The following KANSL1 variants were observed in gnomAD, a reference collection of about 807,000 sequenced individuals.
The protein encoded by KANSL1 is KAT8 regulatory NSL complex subunit 1.
KANSL1 carries 22 observed loss-of-function variants against 103.6 expected under a neutral mutation model. The ratio of observed to expected loss-of-function variants is 0.21; its 90% CI spans 0.15 to 0.30. The LOEUF (loss-of-function observed/expected upper bound fraction) is 0.30. KANSL1 is among the 10% of genes least tolerant of loss of function. KANSL1 has a pLI of 1.00. For missense variants in KANSL1, 1,337 were observed against 1,399.8 expected, an observed-to-expected ratio of 0.96 and a Z score of 0.72; for synonymous variants, 600 against 527.6, an observed-to-expected ratio of 1.14 and a Z score of -1.88.
At chr17:46,058,964 T>C (rs1201780029) in intron 6 of KANSL1, among the ~76,000 whole-genome samples, 1 of 151,276 alleles carries the variant, frequency 6.6e-6, no homozygotes, top group Admixed American at 6.6e-5. Flanking sequence ...GGAGAATCGC[T>C]TGAACCTGGG....
At position 46,171,994 on chromosome 17, in the gene KANSL1, T is replaced by C; in HGVS notation, c.150A>G (p.Lys50=). 1 of 1,614,264 alleles carries C rather than the reference T, an allele frequency of 6.2e-7. No individual in the cohort carries two copies. The highest frequency in any genetic ancestry group is 8.5e-7 in the Non-Finnish European group (1 of 1,180,048). ...ANILIAANGT[K]RKAIAAEDPS... The stretch of plus-strand genomic sequence containing the variant: ...GATCCTCTGCAGCAATGGCTTTTCT[T>C]TTGGTTCCGTTGGCAGCAATAAGGA... The change falls in exon 2 of 15, where the codon AAA becomes AAG. Residue 50 remains lysine (K), a synonymous_variant. Transcript: ENST00000432791.
chr17:46,114,508 A>G (rs1175627428), intron 2 of KANSL1, among the ~76,000 whole-genome samples: 1 of 152,268 alleles, frequency 6.6e-6, no homozygotes, highest in African/African-American at 2.4e-5. Context: ...ATGTTCTTAG[A>G]CTACTATCAA....
intron 6 of KANSL1, among the ~76,000 whole-genome samples, chr17:46,054,797 T>A (rs1020581888): frequency 6.6e-6 from 1 of 152,068 alleles, no homozygotes; most frequent in Non-Finnish European, 1.5e-5. Context: ...CAACCACTAA[T>A]TCCATGGTCA....
At chr17:46,123,910 T>C (rs994868789) in intron 2 of KANSL1, among the ~76,000 whole-genome samples, 1 of 152,236 alleles carries the variant, frequency 6.6e-6, no homozygotes, top group African/African-American at 2.4e-5. Context: ...AAAAACAGCA[T>C]TCTATTGGAA....
chr17:46,030,192 T>C lies in KANSL1; in HGVS notation c.*1284A>G, dbSNP rs1172256764. 6.6e-6 allele frequency: 1 copy of C among 152,326 alleles called. No homozygotes were observed. The highest frequency in any genetic ancestry group is 2.4e-5 in the African/African-American group (1 of 41,384). The allele number at this position is 152,326 out of a possible 1,614,324, so 9.4% of individuals were successfully genotyped here. On this transcript the variant is annotated 3_prime_UTR_variant, in exon 15 of 15. Coordinates refer to ENST00000432791, the MANE Select transcript of KANSL1 (RefSeq NM_015443.4). ...AAGGGTTATTCAGAATTTTCAACCT[T>C]ATAAATAGAAGAAGCACTTTATGCA...
chr17:46,128,963 C>G (rs1483645202), intron 2 of KANSL1, among the ~76,000 whole-genome samples: 1 of 151,974 alleles, frequency 6.6e-6, no homozygotes, highest in Non-Finnish European at 1.5e-5. Context: ...GTTGTCCAGG[C>G]AAAGGATGAT....
chr17:46,052,757 A>G (rs915682972), intron 6 of KANSL1, among the ~76,000 whole-genome samples: 5 of 150,010 alleles, frequency 3.3e-5, no homozygotes, highest in Non-Finnish European at 7.4e-5. Flanking sequence ...CCTGGGCAAC[A>G]CAGTAAGACT....
intron 4 of KANSL1, among the ~76,000 whole-genome samples, chr17:46,080,122 C>T (rs1455815221): frequency 1.3e-5 from 2 of 151,658 alleles, no homozygotes; most frequent in Non-Finnish European, 2.9e-5. Flanking sequence ...TTAATTCCAG[C>T]TGAGTTTCAG....
At chr17:46,067,957 G>C (rs1016919772) in intron 4 of KANSL1, among the ~76,000 whole-genome samples, 28 of 149,702 alleles carry the variant, frequency 1.9e-4, no homozygotes, top group African/African-American at 6.6e-4. Context: ...ATTAAAAAGA[G>C]AGAGAGAGAG....
chr17:46,074,951 T>C (rs1351023920), intron 4 of KANSL1, among the ~76,000 whole-genome samples: 2 of 152,074 alleles, frequency 1.3e-5, no homozygotes, highest in African/African-American at 4.8e-5. Flanking sequence ...TAGAGAAGGG[T>C]ACAGTATCTT....
At chr17:46,177,128 T>G (rs2532257) in intron 1 of KANSL1, among the ~76,000 whole-genome samples, 2 of 152,294 alleles carry the variant, frequency 1.3e-5, no homozygotes, top group South Asian at 4.1e-4. Context: ...TGTAGGTTAC[T>G]TAACTATTCT....
At chr17:46,087,486 A>ACTCAAT (rs1395315006) in intron 3 of KANSL1, among the ~76,000 whole-genome samples, 3 of 152,258 alleles carry the variant, frequency 2.0e-5, no homozygotes, top group Non-Finnish European at 4.4e-5. Context: ...TACCACGTGC[A>ACTCAAT]AGGTAGTGTG....
At chr17:46,107,607 C>A (rs1046452342) in intron 2 of KANSL1, among the ~76,000 whole-genome samples, 3 of 152,218 alleles carry the variant, frequency 2.0e-5, no homozygotes, top group Non-Finnish European at 4.4e-5. Flanking sequence ...GGTGATCTTA[C>A]CCAAACTCAT....
intron 1 of KANSL1, among the ~76,000 whole-genome samples, chr17:46,180,899 T>C (rs1398254690): frequency 6.6e-6 from 1 of 152,172 alleles, no homozygotes; most frequent in Non-Finnish European, 1.5e-5. Flanking sequence ...ATATATAAAA[T>C]AATGACAGCA....
At chr17:46,121,554 A>AT (rs1407195385) in intron 2 of KANSL1, among the ~76,000 whole-genome samples, 1 of 152,012 alleles carries the variant, frequency 6.6e-6, no homozygotes, top group Non-Finnish European at 1.5e-5. Context: ...TGATGACCCT[A>AT]TTTATCACTG....
At chr17:46,103,101 A>G (rs1393359600) in intron 2 of KANSL1, among the ~76,000 whole-genome samples, 1 of 152,260 alleles carries the variant, frequency 6.6e-6, no homozygotes, top group Non-Finnish European at 1.5e-5. Context: ...AACGAAAAGA[A>G]TTCATTCAAC....
intron 7 of KANSL1, chr17:46,044,559 A>C (rs1034447695): frequency 3.9e-5 from 6 of 152,176 alleles, no homozygotes; most frequent in Non-Finnish European, 8.8e-5. Context: ...CCCTTTTATA[A>C]AGTTAACAAG....
At chr17:46,062,045 T>C (rs2078177337) in intron 6 of KANSL1, among the ~76,000 whole-genome samples, 1 of 141,826 alleles carries the variant, frequency 7.1e-6, no homozygotes, top group African/African-American at 2.6e-5. Context: ...TGAGCTGAGA[T>C]TGTGCCATTG....
chr17:46,059,615 G>A (rs1269348113), intron 6 of KANSL1, among the ~76,000 whole-genome samples: 21 of 117,248 alleles, frequency 1.8e-4, no homozygotes, highest in African/African-American at 7.0e-4. Context: ...AGAGCGAGGC[G>A]AGGCTCTGAC....
Sources: gnomAD v4.1 joint callset for allele counts (sites outside exome capture counted in the v4.1 genomes callset) on GRCh38, gnomAD v4.1.1 for gene constraint, MANE v1.5 for transcripts, NCBI Gene and HGNC (gene_info 2026-07-23, HGNC 2026-07-21) for gene names.